PROX1: variants seen among roughly 807,000 people sequenced by gnomAD.
PROX1 encodes the protein prospero homeobox 1.
Under a neutral mutation model 58.8 loss-of-function variants are expected in PROX1, and 7 were observed. The observed-to-expected ratio is 0.12, with a 90% CI of 0.07 to 0.22. The LOEUF (loss-of-function observed/expected upper bound fraction) is 0.22, where lower values mean the gene tolerates loss of function less well. Ranked by LOEUF, PROX1 falls within the 10% of genes least tolerant of loss-of-function variation. PROX1 has a pLI of 1.00. For missense variants in PROX1, 675 were observed against 927.8 expected, an observed-to-expected ratio of 0.73 and a Z score of 3.54; for synonymous variants, 350 against 358.3, an observed-to-expected ratio of 0.98 and a Z score of 0.26.
chr1:213,996,378 A>G (rs1663263391), intron 1 of PROX1, 91 bp from the exon 2 acceptor site: 1 of 769,906 alleles, frequency 1.3e-6, no homozygotes, highest in South Asian at 2.2e-5. Context: ...CCCAGAGCCT[A>G]TGCATTTTGC....
In PROX1 at chr1:214,036,151, T is replaced by G; in HGVS notation, c.*317T>G. On this transcript the variant is annotated 3_prime_UTR_variant, in exon 5 of 5. Transcript: ENST00000366958. ...AGTCTCTATTAGCAATGAAGGGAAT[T>G]TGTTAACGATGCATCCACTTGATTG... The G allele has an allele frequency of 5.5e-6, 1 of 183,430 alleles. No homozygotes were observed. Among genetic ancestry groups the G allele is most frequent in the Non-Finnish European group, 1.1e-5 (1 of 88,618 alleles). 11.4% of individuals were successfully genotyped at this position (183,430 alleles called of 1,614,324 possible). A position where few individuals can be genotyped will look rare whatever the true frequency, so the allele number is the denominator to read the frequency against.
rs1664995992 is a variant in PROX1, at chr1:214,041,135, T to A, written c.*5301T>A. 6.6e-6 allele frequency: 1 copy of A among 152,168 alleles called. No individual in the cohort carries two copies. Among genetic ancestry groups the A allele is most frequent in the Admixed American group, 6.5e-5 (1 of 15,270 alleles). The allele number at this position is 152,168 out of a possible 1,614,324, so 9.4% of individuals were successfully genotyped here. On this transcript the variant is annotated 3_prime_UTR_variant, in exon 5 of 5. Transcript: ENST00000366958. ...CTCCAAACTTTTACCTTTTGCTTTGTACCACTTAAAGGATACAGTAGTCCA... is the reference window on the plus strand; with the variant it reads ...CTCCAAACTTTTACCTTTTGCTTTGAACCACTTAAAGGATACAGTAGTCCA...
In PROX1 at chr1:214,022,516, G is replaced by A. The variant is rs374445704; in HGVS notation, c.2028+10801G>A. On this transcript the variant is annotated intron_variant, in intron 4 of 4. Coordinates refer to ENST00000366958, the MANE Select transcript of PROX1 (RefSeq NM_001270616.2). ...GGAACATATATTCAACGTAAAACTG[G>A]TTTTCACAAGAGCAAGTGTTCCTGC... Among the ~76,000 whole-genome samples the A allele has an allele frequency of 5.3e-5, 8 of 152,306 alleles. No individual in the cohort carries two copies. The East Asian group carries it at 1.2e-3, about 22-fold the overall frequency.
chr1:213,988,445 A>AGG lies in PROX1; in HGVS notation c.-105_-104insGG, dbSNP rs1374023343. The stretch of plus-strand genomic sequence containing the variant: ...GAGAGATAGAGAGAGAGAGAGAGAG[A>AGG]GAGAGAGAGAGGCTCGGTCCCACTG... On this transcript the variant is annotated 5_prime_UTR_variant, in exon 1 of 5. Coordinates refer to ENST00000366958, the MANE Select transcript of PROX1 (RefSeq NM_001270616.2). The AGG allele has an allele frequency of 6.6e-6, 1 of 152,022 alleles. No homozygotes were observed. The highest frequency in any genetic ancestry group is 2.4e-5 in the African/African-American group (1 of 41,354). The allele number at this position is 152,022 out of a possible 1,614,324, so 9.4% of individuals were successfully genotyped here.
intron 4 of PROX1, among the ~76,000 whole-genome samples, chr1:214,012,473 A>T (rs1277294257): frequency 3.3e-5 from 5 of 152,362 alleles, no homozygotes; most frequent in South Asian, 2.1e-4. Flanking sequence ...TGTGGCTATG[A>T]GTAAGGCATT....
In PROX1 at chr1:214,035,707, T is replaced by C; in HGVS notation, c.2087T>C (p.Ile696Thr). Residue 696 changes from isoleucine (I) to threonine (T), a missense_variant, in exon 5 of 5, where the codon ATT becomes ACT. This residue lies in a region of PROX1 where 50 missense variants were observed against 79.3 expected (regional missense o/e 0.63). Coordinates refer to ENST00000366958, the MANE Select transcript of PROX1 (RefSeq NM_001270616.2). Reference sequence around the variant, plus strand: ...ACATTACGGGAGTTTTTCAATGCCATTATCGCAGGCAAAGATGTTGATCCT... The same window carrying C: ...ACATTACGGGAGTTTTTCAATGCCACTATCGCAGGCAAAGATGTTGATCCT... ...QITLREFFNA[I>T]IAGKDVDPSW... 1 of 1,614,040 alleles carries C rather than the reference T, an allele frequency of 6.2e-7. No homozygotes were observed. Among genetic ancestry groups the C allele is most frequent in the Non-Finnish European group, 8.5e-7 (1 of 1,179,928 alleles).
intron 1 of PROX1, among the ~76,000 whole-genome samples, chr1:213,991,396 C>T (rs1476106469): frequency 6.6e-6 from 1 of 152,086 alleles, no homozygotes; most frequent in East Asian, 1.9e-4. Flanking sequence ...ATTCTGTAGA[C>T]TTCAACATTA....
chr1:214,015,824 G>A (rs957723775), intron 4 of PROX1, among the ~76,000 whole-genome samples: 5 of 152,138 alleles, frequency 3.3e-5, no homozygotes, highest in Non-Finnish European at 1.5e-5. Flanking sequence ...CCAGGGTACC[G>A]GGAGGTAGTG....
intron 4 of PROX1, among the ~76,000 whole-genome samples, chr1:214,015,911 A>T (rs1280348315): frequency 2.6e-5 from 4 of 152,168 alleles, no homozygotes; most frequent in Non-Finnish European, 5.9e-5. Context: ...GCAGGGTCTA[A>T]GTTTCCAGTA....
intron 3 of PROX1, among the ~76,000 whole-genome samples, chr1:214,009,071 C>T (rs1306979340): frequency 6.6e-6 from 1 of 152,216 alleles, no homozygotes; most frequent in African/African-American, 2.4e-5. Context: ...AACAGACGCT[C>T]ACAGCTTTTC....
intron 4 of PROX1, among the ~76,000 whole-genome samples, chr1:214,031,389 G>A (rs1170579937): frequency 1.3e-5 from 2 of 152,170 alleles, no homozygotes; most frequent in African/African-American, 4.8e-5. Flanking sequence ...GCTGGGCAAA[G>A]CAGCTCCCAC....
At chr1:214,011,246 A>C (rs1432032317) in intron 3 of PROX1, among the ~76,000 whole-genome samples, 1 of 152,208 alleles carries the variant, frequency 6.6e-6, no homozygotes, top group African/African-American at 2.4e-5. Flanking sequence ...GGTTAAAAAT[A>C]AAGATGTTCG....
At chr1:213,995,693 T>C (rs1259093609) in intron 1 of PROX1, among the ~76,000 whole-genome samples, 2 of 152,198 alleles carry the variant, frequency 1.3e-5, no homozygotes, top group Non-Finnish European at 2.9e-5. Context: ...TAATAATTTG[T>C]CATTAAAAGG....
chr1:213,997,665 G>A lies in PROX1; in HGVS notation c.1130G>A (p.Arg377His), dbSNP rs778287412. Residue 377 changes from arginine (R) to histidine (H), a missense_variant, in exon 2 of 5, where the codon CGC becomes CAC. Arg to His is a conservative substitution (Grantham distance 29). Transcript: ENST00000366958. This position sits in a 1 kb window ranked among gnomAD's most constrained non-coding sequence, Gnocchi z 7.1. ...VVKVFSAKPS[R>H]QVPQVFPPLQ... is the part of the protein sequence containing the mutation. ...AAAGTCTTTTCGGCCAAGCCCTCCCGCCAGGTTCCTCAGGTCTTCCCACCT... is the reference window on the plus strand; with the variant it reads ...AAAGTCTTTTCGGCCAAGCCCTCCCACCAGGTTCCTCAGGTCTTCCCACCT... The A allele has an allele frequency of 3.1e-6, 5 of 1,614,136 alleles. No individual in the cohort carries two copies. The highest frequency in any genetic ancestry group is 1.1e-5 in the South Asian group (1 of 91,080).
At chr1:214,001,109 C>T (rs1663495437) in intron 2 of PROX1, among the ~76,000 whole-genome samples, 1 of 152,088 alleles carries the variant, frequency 6.6e-6, no homozygotes, top group Non-Finnish European at 1.5e-5. Flanking sequence ...CCAAAAGGTA[C>T]CATCTGTTTT....
intron 1 of PROX1, among the ~76,000 whole-genome samples, chr1:213,993,878 CA>C (rs1440324991): frequency 6.6e-6 from 1 of 152,184 alleles, no homozygotes; most frequent in Non-Finnish European, 1.5e-5. Context: ...AAGACAGATA[CA>C]AATCGTTATT....
At chr1:213,984,381 C>T (rs1335481285), upstream of PROX1, 1 of 152,170 alleles carries the variant, frequency 6.6e-6, no homozygotes, top group Non-Finnish European at 1.5e-5. Flanking sequence ...TGCCAGCACC[C>T]CTGGATCCAA....
Position 213,997,721 on chromosome 1 carries a change from A to G in PROX1, c.1186A>G (p.Asn396Asp). Residue 396 changes from asparagine (N) to aspartate (D), a missense_variant, in exon 2 of 5, where the codon AAT becomes GAT. Asn to Asp is a conservative substitution (Grantham distance 23). Coordinates refer to ENST00000366958, the MANE Select transcript of PROX1 (RefSeq NM_001270616.2). This position sits in a 1 kb window ranked among gnomAD's most constrained non-coding sequence, Gnocchi z 7.1. ...GATCCCCCAGGCCAGATTTGCAGTC[A>G]ATGGGGAAAACCACAATTTCCACAC... Reference protein sequence around the residue: ...LQIPQARFAVNGENHNFHTAN... With the variant: ...LQIPQARFAVDGENHNFHTAN... The G allele has an allele frequency of 6.8e-6, 11 of 1,614,082 alleles. No homozygotes were observed. The highest frequency in any genetic ancestry group is 9.3e-6 in the Non-Finnish European group (11 of 1,179,982).
At position 214,005,212 on chromosome 1, in the gene PROX1, G is replaced by A; in HGVS notation, c.1773G>A (p.Met591Ile). The A allele has an allele frequency of 6.2e-7, 1 of 1,614,008 alleles. No homozygotes were observed. Among genetic ancestry groups the A allele is most frequent in the East Asian group, 2.2e-5 (1 of 44,886 alleles). ...ATCACTTGAAAAAAGCAAAGCTCAT[G>A]TTTTTTTATACCCGTTATCCCAGCT... ...SPNHLKKAKLMFFYTRYPSSN... is the reference protein window; with the variant it reads ...SPNHLKKAKLIFFYTRYPSSN... Residue 591 changes from methionine (M) to isoleucine (I), a missense_variant, in exon 3 of 5, where the codon ATG becomes ATA. This residue lies in a region of PROX1 where 39 missense variants were observed against 73.4 expected (regional missense o/e 0.53). Transcript: ENST00000366958.
Sources: gnomAD v4.1 joint callset for allele counts (sites outside exome capture counted in the v4.1 genomes callset) on GRCh38, gnomAD v4.1.1 for gene constraint, gnomAD v4.1.1 regional missense constraint, Gnocchi (gnomAD v3.1) non-coding constraint, MANE v1.5 for transcripts, NCBI Gene and HGNC (gene_info 2026-07-23, HGNC 2026-07-21) for gene names.